Variants in MCF2L observed in about 807,000 individuals in gnomAD.
MCF2L encodes the protein guanine nucleotide exchange factor DBS.
MCF2L carries 97 observed loss-of-function variants against 153.4 expected under a neutral mutation model. That is an observed-to-expected ratio of 0.63 (90% CI 0.54 to 0.75). The LOEUF is 0.75. Among genes scored for constraint, MCF2L ranks in the 30% least tolerant of loss-of-function variants. MCF2L has a pLI of 0.00. For synonymous variants in MCF2L, 659 were observed against 632.2 expected, an observed-to-expected ratio of 1.04 and a Z score of -0.64; for missense variants, 1,347 against 1,495.2, an observed-to-expected ratio of 0.90 and a Z score of 1.64.
At chr13:113,085,290 C>A in intron 20 of MCF2L, 112 bp downstream of exon 20, 1 of 836,508 alleles carries the variant, frequency 1.2e-6, no homozygotes, top group South Asian at 1.5e-5. Context: ...GCCAAGGGCA[C>A]CTCTTCCGAG....
intron 2 of MCF2L, among the ~76,000 whole-genome samples, chr13:112,935,040 A>T (rs944314552): frequency 6.6e-6 from 1 of 152,206 alleles, no homozygotes; most frequent in Non-Finnish European, 1.5e-5. Flanking sequence ...TAAAATTTGT[A>T]TGTTGAAGCC....
intron 2 of MCF2L, among the ~76,000 whole-genome samples, chr13:112,963,396 G>A (rs142453811): frequency 2.1e-4 from 32 of 152,350 alleles, no homozygotes; most frequent in Middle Eastern, 6.8e-3. Context: ...AGCCTCCGCA[G>A]CTCCTCAGAG....
Position 113,089,576 on chromosome 13 carries a change from A to C in MCF2L, c.2835-34A>C, listed in dbSNP as rs780463784. 117 of 1,448,960 alleles carry C rather than the reference A, an allele frequency of 8.1e-5. 4 individuals carry two copies. The Admixed American group carries it at 1.9e-3, about 24-fold the overall frequency. 89.8% of individuals were successfully genotyped at this position (1,448,960 alleles called of 1,614,324 possible). A position where few individuals can be genotyped will look rare whatever the true frequency, so the allele number is the denominator to read the frequency against. ...TTCTGAAAGACTAACCAGGCAACAC[A>C]CTATTTCCTTTTTGATTTGTCTGAT... On this transcript the variant is annotated intron_variant, in intron 25 of 29. Coordinates refer to ENST00000535094, the MANE Select transcript of MCF2L (RefSeq NM_001112732.3).
chr13:113,046,552 T>C lies in MCF2L; in HGVS notation c.369+1191T>C, dbSNP rs1187622126. 1.9e-6 allele frequency: 1 copy of C among 533,182 alleles called. No homozygotes were observed. The highest frequency in any genetic ancestry group is 5.5e-5 in the East Asian group (1 of 18,342). 33.0% of individuals were successfully genotyped at this position (533,182 alleles called of 1,614,324 possible). The stretch of plus-strand genomic sequence containing the variant: ...AAGGTTTGAGGTATACTGAAAAAAG[T>C]CATTCCTTTCCCCGCACATTGCCTC... On this transcript the variant is annotated intron_variant, in intron 4 of 29. Coordinates refer to ENST00000535094, the MANE Select transcript of MCF2L (RefSeq NM_001112732.3). The surrounding 1 kb of genome is among the most constrained non-coding windows in gnomAD (Gnocchi z 4.4).
At chr13:112,914,853 G>A (rs1253173900) in intron 2 of MCF2L, among the ~76,000 whole-genome samples, 9 of 151,306 alleles carry the variant, frequency 5.9e-5, no homozygotes, top group South Asian at 2.1e-4. Context: ...TTTTCAAATC[G>A]TCATTGTCTT....
chr13:113,071,155 C>T (rs757025178), intron 9 of MCF2L, among the ~76,000 whole-genome samples: 3 of 152,128 alleles, frequency 2.0e-5, no homozygotes, highest in Non-Finnish European at 4.4e-5. Context: ...GTGCTAAACA[C>T]CTTTCCACGT....
intron 2 of MCF2L, among the ~76,000 whole-genome samples, chr13:113,020,113 A>G (rs982795843): frequency 4.6e-5 from 7 of 152,218 alleles, no homozygotes; most frequent in Admixed American, 3.9e-4. Context: ...TCTTGATGTC[A>G]TCTCCACACT....
chr13:113,024,849 G>A lies in MCF2L; in HGVS notation c.278+91G>A, dbSNP rs562517208. On this transcript the variant is annotated intron_variant, in intron 3 of 29. Coordinates refer to ENST00000535094, the MANE Select transcript of MCF2L (RefSeq NM_001112732.3). ...GGTGGGGTCCCTGCAACTATGGGAT[G>A]AGGCAGAGTCCCTGTGAGATTTCCC... The A allele has an allele frequency of 1.7e-3, 1,636 of 981,976 alleles. 5 individuals are homozygous for A. The highest frequency in any genetic ancestry group is 4.2e-3 in the Admixed American group (224 of 52,930). 60.8% of individuals were successfully genotyped at this position (981,976 alleles called of 1,614,324 possible).
At chr13:112,914,990 C>T (rs2081275740) in intron 2 of MCF2L, among the ~76,000 whole-genome samples, 1 of 152,058 alleles carries the variant, frequency 6.6e-6, no homozygotes, top group East Asian at 1.9e-4. Flanking sequence ...GGAATTCACC[C>T]ATTTTTTTCC....
At chr13:113,015,816 C>T (rs1208891591) in intron 2 of MCF2L, among the ~76,000 whole-genome samples, 1 of 152,210 alleles carries the variant, frequency 6.6e-6, no homozygotes, top group Admixed American at 6.5e-5. Context: ...GGAGAGAAAG[C>T]AGGGGGTCTC....
chr13:113,022,737 C>T (rs951995792), intron 2 of MCF2L, among the ~76,000 whole-genome samples: 8 of 152,192 alleles, frequency 5.3e-5, no homozygotes, highest in Non-Finnish European at 1.2e-4. Context: ...CTGAGACGTG[C>T]GTGAGCCACA....
At chr13:113,095,244 T>C in intron 27 of MCF2L, 3 of 1,203,542 alleles carry the variant, frequency 2.5e-6, no homozygotes, top group South Asian at 1.5e-5. Flanking sequence ...TTCTGTGCTG[T>C]GCGTGGTCCA....
At chr13:113,056,400 T>G in intron 4 of MCF2L, among the ~76,000 whole-genome samples, 1 of 129,890 alleles carries the variant, frequency 7.7e-6, no homozygotes, top group African/African-American at 2.9e-5. Context: ...GTGCTGAGTG[T>G]TTTGGCACTG....
intron 7 of MCF2L, 93 bp downstream of exon 7, chr13:113,065,178 C>T (rs762323159): frequency 3.0e-5 from 44 of 1,491,412 alleles, no homozygotes; most frequent in Admixed American, 3.5e-5. Flanking sequence ...GGGGGTCTTT[C>T]GTCCCAGCGG....
At chr13:113,055,451 T>G (rs1487937352) in intron 4 of MCF2L, among the ~76,000 whole-genome samples, 1 of 132,212 alleles carries the variant, frequency 7.6e-6, no homozygotes, top group Non-Finnish European at 1.6e-5. Context: ...CACACCTGGC[T>G]TCATCTCTGA....
intron 2 of MCF2L, among the ~76,000 whole-genome samples, chr13:112,938,530 C>T (rs1050812870): frequency 1.3e-5 from 2 of 152,162 alleles, no homozygotes; most frequent in African/African-American, 4.8e-5. Context: ...GAAGGAATTG[C>T]AGGAATATGA....
chr13:112,979,416 G>A, intron 1 of MCF2L: 1 of 1,398,018 alleles, frequency 7.2e-7, no homozygotes, highest in Non-Finnish European at 9.3e-7. Flanking sequence ...CTCGGGCCAG[G>A]CTCTGGGAGG....
At chr13:113,085,432 T>G (rs2034537872) in intron 20 of MCF2L, among the ~76,000 whole-genome samples, 1 of 152,146 alleles carries the variant, frequency 6.6e-6, no homozygotes, top group African/African-American at 2.4e-5. Flanking sequence ...GGATTCTGTG[T>G]GATGTGCTGA....
chr13:112,976,176 ATGTGTGTGTGTGTGCG>A (rs1176641878), intron 1 of MCF2L, among the ~76,000 whole-genome samples: 1 of 140,812 alleles, frequency 7.1e-6, no homozygotes, highest in East Asian at 2.0e-4. Flanking sequence ...GTGTGTGTGT[ATGTGTGTGTGTGTGCG>A]TGTGTGTGTG....
Sources: gnomAD v4.1 joint callset for allele counts (sites outside exome capture counted in the v4.1 genomes callset) on GRCh38, gnomAD v4.1.1 for gene constraint, Gnocchi (gnomAD v3.1) non-coding constraint, MANE v1.5 for transcripts, NCBI Gene and HGNC (gene_info 2026-07-23, HGNC 2026-07-21) for gene names.